SYT17: variants seen among roughly 807,000 people sequenced by gnomAD.
SYT17 encodes the protein synaptotagmin-17.
A neutral mutation model predicts 46.7 loss-of-function variants in SYT17; 22 were observed. That is an observed-to-expected ratio of 0.47 (90% CI 0.34 to 0.67). The LOEUF is 0.67. Among genes scored for constraint, SYT17 ranks in the 30% least tolerant of loss-of-function variants. SYT17 has a pLI of 0.01. For missense variants in SYT17, 519 were observed against 612.8 expected, an observed-to-expected ratio of 0.85 and a Z score of 1.62; for synonymous variants, 251 against 248.4, an observed-to-expected ratio of 1.01 and a Z score of -0.10.
chr16:19,185,288 A>C (rs1198900265), intron 5 of SYT17, among the ~76,000 whole-genome samples: 1 of 152,196 alleles, frequency 6.6e-6, no homozygotes, highest in African/African-American at 2.4e-5. Flanking sequence ...CATGAGGTCA[A>C]TAAGAGCTGC....
At chr16:19,258,778 C>G (rs1968763209) in intron 7 of SYT17, among the ~76,000 whole-genome samples, 1 of 152,130 alleles carries the variant, frequency 6.6e-6, no homozygotes, top group African/African-American at 2.4e-5. Flanking sequence ...TGATCTGGCC[C>G]ATAATGTCAG....
At chr16:19,205,816 T>G (rs1297243734) in intron 5 of SYT17, among the ~76,000 whole-genome samples, 1 of 152,214 alleles carries the variant, frequency 6.6e-6, no homozygotes, top group Non-Finnish European at 1.5e-5. Flanking sequence ...GCCCTATCAC[T>G]TTCTATCCCC....
At chr16:19,192,324 G>A (rs1306717004) in intron 5 of SYT17, among the ~76,000 whole-genome samples, 1 of 152,128 alleles carries the variant, frequency 6.6e-6, no homozygotes, top group Admixed American at 6.6e-5. Context: ...GGGAAGCTGA[G>A]GCATGAGAAT....
chr16:19,259,038 C>T (rs2143000945), intron 7 of SYT17, among the ~76,000 whole-genome samples: 1 of 152,204 alleles, frequency 6.6e-6, no homozygotes, highest in Admixed American at 6.5e-5. Context: ...GATAACTCTA[C>T]AGGTAAGTTG....
At chr16:19,211,174 A>C (rs2142799211) in intron 5 of SYT17, 1 of 435,994 alleles carries the variant, frequency 2.3e-6, no homozygotes, top group East Asian at 3.6e-5. Flanking sequence ...TCTTACAAGA[A>C]AGGAAATGAG....
At chr16:19,240,558 T>C (rs967387517) in intron 7 of SYT17, among the ~76,000 whole-genome samples, 3 of 152,146 alleles carry the variant, frequency 2.0e-5, no homozygotes, top group African/African-American at 4.8e-5. Flanking sequence ...TGTATGCTGA[T>C]TGGTCCATGG....
chr16:19,168,371 A>C lies in SYT17; in HGVS notation c.-276A>C. 1.9e-6 allele frequency: 1 copy of C among 527,398 alleles called. No homozygotes were observed. The highest frequency in any genetic ancestry group is 3.3e-6 in the Non-Finnish European group (1 of 299,598). The allele number at this position is 527,398 out of a possible 1,614,324, so 32.7% of individuals were successfully genotyped here. A position where few individuals can be genotyped will look rare whatever the true frequency, so the allele number is the denominator to read the frequency against. ...GGAGCGCCTCGGTGGGGAGCACGGGACAGCGAGGGAGGCCGAGGCGGGGGC... is the reference window on the plus strand; with the variant it reads ...GGAGCGCCTCGGTGGGGAGCACGGGCCAGCGAGGGAGGCCGAGGCGGGGGC... On this transcript the variant is annotated 5_prime_UTR_variant, in exon 1 of 8. Transcript: ENST00000355377. This position sits in a 1 kb window ranked among gnomAD's most constrained non-coding sequence, Gnocchi z 6.9.
At chr16:19,173,373 A>AACCAGG in intron 2 of SYT17, 57 bp from the exon 3 acceptor site, 1 of 211,142 alleles carries the variant, frequency 4.7e-6, no homozygotes, top group Non-Finnish European at 8.2e-6. Flanking sequence ...CCTCTTCCCC[A>AACCAGG]CCCTGCCCAC....
At chr16:19,222,079 C>T (rs1206173014) in intron 5 of SYT17, among the ~76,000 whole-genome samples, 1 of 151,978 alleles carries the variant, frequency 6.6e-6, no homozygotes, top group African/African-American at 2.4e-5. Flanking sequence ...TTTTAATGTC[C>T]TCATCAGTTA....
At chr16:19,208,956 G>A (rs1222389972) in intron 5 of SYT17, among the ~76,000 whole-genome samples, 24 of 132,788 alleles carry the variant, frequency 1.8e-4, no homozygotes, top group Non-Finnish European at 2.6e-4. Flanking sequence ...GCAGTGGTAC[G>A]ATCTTGGCTC....
intron 7 of SYT17, among the ~76,000 whole-genome samples, chr16:19,232,187 T>C (rs2142911526): frequency 6.6e-6 from 1 of 152,280 alleles, no homozygotes; most frequent in East Asian, 1.9e-4. Context: ...GGGCATAGGC[T>C]TAGAGGGGCC....
At chr16:19,234,440 C>A (rs1966813616) in intron 7 of SYT17, among the ~76,000 whole-genome samples, 2 of 152,076 alleles carry the variant, frequency 1.3e-5, no homozygotes, top group African/African-American at 4.8e-5. Flanking sequence ...AGCTTCCAAT[C>A]TCAATTTTTA....
intron 7 of SYT17, among the ~76,000 whole-genome samples, chr16:19,256,422 T>A (rs1968563829): frequency 7.5e-6 from 1 of 133,746 alleles, no homozygotes; most frequent in Non-Finnish European, 1.5e-5. Flanking sequence ...TGGTTGAGGT[T>A]TTAACCCCTC....
rs186684060 is a variant in SYT17, at chr16:19,179,380, T to C, written c.183-1011T>C. Among the ~76,000 whole-genome samples the C allele has an allele frequency of 2.6e-5, 4 of 152,260 alleles. No individual in the cohort carries two copies. In the East Asian group the frequency reaches 7.7e-4, roughly 29 times the overall value. On this transcript the variant is annotated intron_variant, in intron 3 of 7. Transcript: ENST00000355377. The stretch of plus-strand genomic sequence containing the variant: ...TTCGAGCTCAAGTGATCCTCCTGCC[T>C]TAGCTTCCCAAAGTTTACATTCTTC...
At chr16:19,208,196 C>T (rs1005298528) in intron 5 of SYT17, among the ~76,000 whole-genome samples, 4 of 152,182 alleles carry the variant, frequency 2.6e-5, no homozygotes, top group African/African-American at 7.2e-5. Context: ...TGGGAGGATA[C>T]GTTTGCTATA....
At chr16:19,244,719 C>T (rs1256859994) in intron 7 of SYT17, among the ~76,000 whole-genome samples, 6 of 152,312 alleles carry the variant, frequency 3.9e-5, no homozygotes, top group East Asian at 1.9e-4. Flanking sequence ...GCGGCCCAGG[C>T]GCCTTCCATC....
At position 19,258,866 on chromosome 16, in the gene SYT17, C is replaced by G. The variant is rs367705452; in HGVS notation, c.1229-8014C>G. Among the ~76,000 whole-genome samples, 14 of 152,076 alleles carry G rather than the reference C, an allele frequency of 9.2e-5. 1 individual carries two copies. The highest frequency in any genetic ancestry group is 3.1e-4 in the African/African-American group (13 of 41,410). ...GAGTCAATCCACTGACGTCCTTAGC[C>G]CTGGCCCTAATACACAGTAGGTGCT... is the stretch of plus-strand genomic sequence containing the variant. On this transcript the variant is annotated intron_variant, in intron 7 of 7. Transcript: ENST00000355377.
chr16:19,172,193 TC>T (rs768675384), intron 1 of SYT17: 51 of 352,856 alleles, frequency 1.4e-4, no homozygotes, highest in Non-Finnish European at 2.1e-4. Flanking sequence ...AGGGAGGACC[TC>T]CTTCCTCAAG....
chr16:19,190,645 G>A (rs1964974664), intron 5 of SYT17, among the ~76,000 whole-genome samples: 1 of 152,154 alleles, frequency 6.6e-6, no homozygotes, highest in Admixed American at 6.5e-5. Flanking sequence ...CATATAAGTA[G>A]AGTCATAGAT....
Sources: gnomAD v4.1 joint callset for allele counts (sites outside exome capture counted in the v4.1 genomes callset) on GRCh38, gnomAD v4.1.1 for gene constraint, Gnocchi (gnomAD v3.1) non-coding constraint, MANE v1.5 for transcripts, NCBI Gene and HGNC (gene_info 2026-07-23, HGNC 2026-07-21) for gene names.